The following DRC8 variants were observed in gnomAD, a reference collection of about 807,000 sequenced individuals.
The protein encoded by DRC8 is dynein regulatory complex protein 8.
chr1:245,033,464 CT>C, the DRC8 span, among the ~76,000 whole-genome samples: 484 of 152,260 alleles, frequency 3.2e-3, 6 homozygotes, highest in African/African-American at 0.011. Flanking sequence ...TAAAACAAAA[CT>C]AAAAAATTTC....
chr1:245,021,847 T>C, the DRC8 span, among the ~76,000 whole-genome samples: 1 of 152,078 alleles, frequency 6.6e-6, no homozygotes, highest in Non-Finnish European at 1.5e-5. Context: ...TTAAAATACA[T>C]ATTTTGTTTT....
chr1:245,021,945 T>A, the DRC8 span, among the ~76,000 whole-genome samples: 1 of 151,826 alleles, frequency 6.6e-6, no homozygotes, highest in Non-Finnish European at 1.5e-5. Flanking sequence ...GAGCTGGGAC[T>A]ATAAGCACGT....
the DRC8 span, chr1:244,971,204 TA>T: frequency 0.013 from 1,818 of 143,724 alleles, 20 homozygotes; most frequent in African/African-American, 0.034. Flanking sequence ...TGTCTTGTCT[TA>T]AAAAAAAAAA....
the DRC8 span, chr1:245,044,008 C>A: frequency 6.6e-6 from 1 of 152,162 alleles, no homozygotes; most frequent in Non-Finnish European, 1.5e-5. Context: ...CTGGCACACA[C>A]ATTTGTGAAG....
At chr1:245,091,564 G>A in the DRC8 span, 24 of 152,326 alleles carry the variant, frequency 1.6e-4, no homozygotes, top group Non-Finnish European at 3.2e-4. Flanking sequence ...CCCCACCTTC[G>A]AGGGTTCTTT....
chr1:245,009,304 A>T, the DRC8 span, among the ~76,000 whole-genome samples: 1 of 151,948 alleles, frequency 6.6e-6, no homozygotes, highest in Non-Finnish European at 1.5e-5. Flanking sequence ...AAGTGCTGGG[A>T]TTACAGGCAT....
At chr1:245,082,204 G>C in the DRC8 span, 2 of 1,509,208 alleles carry the variant, frequency 1.3e-6, no homozygotes, top group South Asian at 1.1e-5. Flanking sequence ...GTAATGGTCA[G>C]AATTATGAAT....
At chr1:245,007,202 TG>T in the DRC8 span, among the ~76,000 whole-genome samples, 1 of 152,088 alleles carries the variant, frequency 6.6e-6, no homozygotes, top group Non-Finnish European at 1.5e-5. Flanking sequence ...CCATTCTGTA[TG>T]ATGCTATAAA....
chr1:245,057,595 G>A, the DRC8 span, among the ~76,000 whole-genome samples: 5 of 151,908 alleles, frequency 3.3e-5, no homozygotes, highest in Admixed American at 2.0e-4. Context: ...GGTCTAGCAC[G>A]GGCCTAGAAT....
chr1:245,020,705 C>T, the DRC8 span, among the ~76,000 whole-genome samples: 2,961 of 149,602 alleles, frequency 0.02, 33 homozygotes, highest in Non-Finnish European at 0.032. Flanking sequence ...CTGCAACCTC[C>T]GCCTTCCGGG....
the DRC8 span, among the ~76,000 whole-genome samples, chr1:245,107,957 C>G: frequency 6.6e-6 from 1 of 152,122 alleles, no homozygotes; most frequent in African/African-American, 2.4e-5. Flanking sequence ...TGCTGTTGTT[C>G]CCACTCCGGG....
chr1:245,114,627 T>C, the DRC8 span, among the ~76,000 whole-genome samples: 1 of 152,218 alleles, frequency 6.6e-6, no homozygotes, highest in South Asian at 2.1e-4. Flanking sequence ...CACCGATGCG[T>C]GAACAGCCTG....
the DRC8 span, among the ~76,000 whole-genome samples, chr1:245,059,187 A>C: frequency 6.6e-6 from 1 of 152,178 alleles, no homozygotes; most frequent in Non-Finnish European, 1.5e-5. Context: ...TTTGCCAGTC[A>C]ATGAAACCAT....
the DRC8 span, among the ~76,000 whole-genome samples, chr1:244,971,304 C>T: frequency 6.6e-6 from 1 of 152,254 alleles, no homozygotes; most frequent in African/African-American, 2.4e-5. Flanking sequence ...GGCCGGGCCT[C>T]TCCCAGGGGA....
At chr1:244,974,296 C>T in the DRC8 span, among the ~76,000 whole-genome samples, 1 of 152,174 alleles carries the variant, frequency 6.6e-6, no homozygotes, top group South Asian at 2.1e-4. Context: ...AGACTCACGT[C>T]TAGGAAACAA....
the DRC8 span, chr1:245,087,282 GTC>G: frequency 6.2e-7 from 1 of 1,610,956 alleles, no homozygotes; most frequent in Non-Finnish European, 8.5e-7. Flanking sequence ...AAGAAATGTT[GTC>G]TGCTGCAATT....
At chr1:245,046,968 T>A in the DRC8 span, among the ~76,000 whole-genome samples, 1 of 152,138 alleles carries the variant, frequency 6.6e-6, no homozygotes, top group African/African-American at 2.4e-5. Context: ...CGCTGCTCCG[T>A]TTTAGAGGGC....
At chr1:245,036,062 T>TG in the DRC8 span, among the ~76,000 whole-genome samples, 1 of 151,306 alleles carries the variant, frequency 6.6e-6, no homozygotes, top group Non-Finnish European at 1.5e-5. Context: ...ATTAAAAACT[T>TG]TGTGCTTCAA....
chr1:245,108,708 A>G, the DRC8 span, among the ~76,000 whole-genome samples: 2 of 151,034 alleles, frequency 1.3e-5, no homozygotes, highest in African/African-American at 4.9e-5. Flanking sequence ...TTTCTGTCCA[A>G]CCTAGACCAC....
Sources: allele counts gnomAD v4.1 joint callset (sites outside exome capture counted in the v4.1 genomes callset), GRCh38; gene constraint gnomAD v4.1.1; transcripts MANE v1.5; gene names NCBI Gene and HGNC (gene_info 2026-07-23, HGNC 2026-07-21).